Variants in NBEA observed in about 807,000 individuals in gnomAD.
NBEA encodes lysosomal-trafficking regulator 2.
Under a neutral mutation model 343.4 loss-of-function variants are expected in NBEA, and 44 were observed. That is an observed-to-expected ratio of 0.13 (90% CI 0.10 to 0.16). The LOEUF (loss-of-function observed/expected upper bound fraction) is 0.16. Among genes scored for constraint, NBEA ranks in the 10% least tolerant of loss-of-function variants. NBEA has a pLI of 1.00. For synonymous variants in NBEA, 1,175 were observed against 1,238.7 expected, an observed-to-expected ratio of 0.95 and a Z score of 1.08; for missense variants, 2,555 against 3,631.3, an observed-to-expected ratio of 0.70 and a Z score of 7.62.
intron 1 of NBEA, among the ~76,000 whole-genome samples, chr13:35,032,685 A>G (rs1032063106): frequency 2.6e-5 from 4 of 151,664 alleles, no homozygotes; most frequent in African/African-American, 9.7e-5. Flanking sequence ...TGTCTTTTGA[A>G]TATAAGACAT....
intron 38 of NBEA, among the ~76,000 whole-genome samples, chr13:35,360,002 G>A (rs770899465): frequency 6.6e-6 from 1 of 151,924 alleles, no homozygotes; most frequent in Non-Finnish European, 1.5e-5. Context: ...CCTAACAACT[G>A]TAAGGAAGAC....
At chr13:35,501,323 A>G (rs1229088893) in intron 41 of NBEA, among the ~76,000 whole-genome samples, 1 of 152,152 alleles carries the variant, frequency 6.6e-6, no homozygotes, top group Non-Finnish European at 1.5e-5. Context: ...GGAAAATACC[A>G]GCTAAATGTT....
rs57217832 is a variant in NBEA at position 35,000,806 on chromosome 13, AAAG to A, written c.295-40123_295-40121del. On this transcript the variant is annotated intron_variant, in intron 1 of 58. Coordinates refer to ENST00000379939, the MANE Select transcript of NBEA (RefSeq NM_001385012.1). ...CATATTATTGTTTTTTTAAAAACCTAAAGAAGTTTAAGCAGATATACCAAAAAT... is the reference window on the plus strand; with the variant it reads ...CATATTATTGTTTTTTTAAAAACCTAAAGTTTAAGCAGATATACCAAAAAT... 7.0e-3 allele frequency among the ~76,000 whole-genome samples: 1,064 copies of A among 152,192 alleles called. 21 individuals carry two copies. The highest frequency in any genetic ancestry group is 0.024 in the African/African-American group (1,005 of 41,554).
intron 57 of NBEA, among the ~76,000 whole-genome samples, chr13:35,667,997 T>C (rs1026348608): frequency 6.6e-6 from 1 of 152,258 alleles, no homozygotes; most frequent in African/African-American, 2.4e-5. Context: ...AACACTGTTT[T>C]GAAATATGTT....
intron 38 of NBEA, among the ~76,000 whole-genome samples, chr13:35,363,613 G>C (rs2040936777): frequency 6.6e-6 from 1 of 151,804 alleles, no homozygotes; most frequent in African/African-American, 2.4e-5. Flanking sequence ...TCAAGATCCT[G>C]CTTGTTCTGA....
intron 1 of NBEA, among the ~76,000 whole-genome samples, chr13:35,006,669 C>T (rs920656235): frequency 1.4e-4 from 21 of 152,056 alleles, no homozygotes; most frequent in African/African-American, 5.1e-4. Flanking sequence ...TTTTCTTTCT[C>T]TGCAATTTTT....
chr13:35,346,025 T>G (rs551434557), intron 36 of NBEA, among the ~76,000 whole-genome samples: 14 of 152,172 alleles, frequency 9.2e-5, no homozygotes, highest in African/African-American at 3.1e-4. Flanking sequence ...ATAGATCAGT[T>G]GGCAGAACTC....
chr13:35,176,760 CCTTTATGAGT>C (rs2070929643), intron 27 of NBEA, among the ~76,000 whole-genome samples: 2 of 151,934 alleles, frequency 1.3e-5, no homozygotes, highest in Middle Eastern at 3.4e-3. Context: ...ACTTTACCTG[CCTTTATGAGT>C]CTATAGTGGT....
At chr13:35,190,030 A>G (rs2072058703) in intron 30 of NBEA, among the ~76,000 whole-genome samples, 2 of 152,100 alleles carry the variant, frequency 1.3e-5, no homozygotes, top group Non-Finnish European at 1.5e-5. Flanking sequence ...GCAGCCACTG[A>G]GGATAGGAGT....
chr13:35,380,117 C>T (rs1296214213), intron 38 of NBEA, among the ~76,000 whole-genome samples: 2 of 152,094 alleles, frequency 1.3e-5, no homozygotes, highest in African/African-American at 4.8e-5. Flanking sequence ...ATATGCCTTT[C>T]TGTATAGGTC....
At chr13:35,274,049 A>G (rs1472041926) in intron 34 of NBEA, among the ~76,000 whole-genome samples, 1 of 152,218 alleles carries the variant, frequency 6.6e-6, no homozygotes, top group East Asian at 1.9e-4. Context: ...AAAGCCTGGC[A>G]GAGACACAAC....
intron 48 of NBEA, among the ~76,000 whole-genome samples, chr13:35,610,151 C>T (rs779630560): frequency 5.3e-5 from 8 of 152,216 alleles, no homozygotes; most frequent in Non-Finnish European, 1.2e-4. Context: ...AGCTGTTCTG[C>T]TGTGTTTATT....
intron 33 of NBEA, among the ~76,000 whole-genome samples, chr13:35,218,940 A>C (rs1487573238): frequency 6.6e-6 from 1 of 152,074 alleles, no homozygotes; most frequent in African/African-American, 2.4e-5. Flanking sequence ...TAAACTTCAC[A>C]AGCAAAGACA....
chr13:35,425,640 A>T (rs1252582202), intron 38 of NBEA, among the ~76,000 whole-genome samples: 1 of 152,200 alleles, frequency 6.6e-6, no homozygotes, highest in Non-Finnish European at 1.5e-5. Context: ...TGGGGTGGAC[A>T]GTTCTGTAGA....
At chr13:34,982,676 C>T (rs1446468121) in intron 1 of NBEA, among the ~76,000 whole-genome samples, 5 of 152,050 alleles carry the variant, frequency 3.3e-5, no homozygotes, top group African/African-American at 7.2e-5. Flanking sequence ...TATTGAGACT[C>T]GTCTTATGGC....
chr13:35,523,986 T>C (rs749153905), intron 41 of NBEA, among the ~76,000 whole-genome samples: 4 of 152,240 alleles, frequency 2.6e-5, no homozygotes, highest in Non-Finnish European at 5.9e-5. Context: ...ATTGGCTTTC[T>C]ATTTTCATCA....
In NBEA at chr13:35,293,247, C is replaced by G. The variant is rs148890131; in HGVS notation, c.5838+2797C>G. Among the ~76,000 whole-genome samples, 343 of 152,026 alleles carry G rather than the reference C, an allele frequency of 2.3e-3. 1 individual carries two copies. Among genetic ancestry groups the G allele is most frequent in the Non-Finnish European group, 4.0e-3 (271 of 67,892 alleles). ...AAGGCTATATCATCCAGTCTACCCC[C>G]CAATGTAATTTTTCATCTTTGTGGA... On this transcript the variant is annotated intron_variant, in intron 35 of 58. Coordinates refer to ENST00000379939, the MANE Select transcript of NBEA (RefSeq NM_001385012.1).
chr13:35,423,198 A>G (rs1056719826), intron 38 of NBEA, among the ~76,000 whole-genome samples: 8 of 151,972 alleles, frequency 5.3e-5, no homozygotes, highest in African/African-American at 9.7e-5. Flanking sequence ...ATTGCTTTTG[A>G]TGTTTTAGAC....
intron 36 of NBEA, among the ~76,000 whole-genome samples, chr13:35,326,427 G>C (rs2038562321): frequency 6.6e-6 from 1 of 151,900 alleles, no homozygotes; most frequent in Non-Finnish European, 1.5e-5. Context: ...TTTTTATTTG[G>C]CTCAAAACTT....
Sources: allele counts gnomAD v4.1 joint callset (sites outside exome capture counted in the v4.1 genomes callset), GRCh38; gene constraint gnomAD v4.1.1; transcripts MANE v1.5; gene names NCBI Gene and HGNC (gene_info 2026-07-23, HGNC 2026-07-21).